Variants in ST8SIA6 observed in about 807,000 individuals in gnomAD.
ST8SIA6 encodes the protein alpha-2,8-sialyltransferase 8F.
A neutral mutation model predicts 33.6 loss-of-function variants in ST8SIA6; 39 were observed. The ratio of observed to expected loss-of-function variants is 1.16; its 90% CI spans 0.90 to 1.52. The LOEUF is 1.52. ST8SIA6 is among the 40% of genes most tolerant of loss of function. ST8SIA6 has a pLI of 0.00. For synonymous variants in ST8SIA6, 172 were observed against 167.2 expected, an observed-to-expected ratio of 1.03 and a Z score of -0.22; for missense variants, 441 against 443.8, an observed-to-expected ratio of 0.99 and a Z score of 0.06.
At chr10:17,388,937 C>T (rs1202199744) in intron 3 of ST8SIA6, among the ~76,000 whole-genome samples, 1 of 152,110 alleles carries the variant, frequency 6.6e-6, no homozygotes, top group African/African-American at 2.4e-5. Flanking sequence ...GAGTCTGAAC[C>T]TCCCCATGTT....
chr10:17,400,787 A>T (rs1402195032), intron 2 of ST8SIA6, among the ~76,000 whole-genome samples: 1 of 152,208 alleles, frequency 6.6e-6, no homozygotes, highest in Non-Finnish European at 1.5e-5. Context: ...TCTCAAAATA[A>T]TAAGAGCTAT....
chr10:17,429,416 C>T (rs1377680632), intron 2 of ST8SIA6, among the ~76,000 whole-genome samples: 7 of 150,978 alleles, frequency 4.6e-5, no homozygotes, highest in South Asian at 2.1e-4. Context: ...TCTGCTTGGC[C>T]GCCTCTTCCT....
chr10:17,355,474 A>AC (rs1274241559), intron 4 of ST8SIA6, among the ~76,000 whole-genome samples: 1 of 152,196 alleles, frequency 6.6e-6, no homozygotes, highest in Non-Finnish European at 1.5e-5. Context: ...ATACAAAGAT[A>AC]AACAAGATAA....
chr10:17,453,523 C>G (rs1428432792), intron 2 of ST8SIA6, 36 bp downstream of exon 2: 12 of 1,274,546 alleles, frequency 9.4e-6, no homozygotes, highest in African/African-American at 9.3e-5. Flanking sequence ...TCGCAGCTCC[C>G]GAGCCCCAGT....
chr10:17,347,792 G>A (rs966426329), intron 4 of ST8SIA6, among the ~76,000 whole-genome samples: 4 of 151,714 alleles, frequency 2.6e-5, no homozygotes, highest in African/African-American at 9.7e-5. Context: ...AAAATTAGCC[G>A]GGCGTGGTGG....
At chr10:17,405,600 T>C (rs535404180) in intron 2 of ST8SIA6, among the ~76,000 whole-genome samples, 1 of 149,388 alleles carries the variant, frequency 6.7e-6, no homozygotes, top group East Asian at 2.0e-4. Context: ...AAGAAAGTTA[T>C]TGGCTGGATG....
chr10:17,384,585 A>G (rs913938448), intron 3 of ST8SIA6, among the ~76,000 whole-genome samples: 1 of 152,174 alleles, frequency 6.6e-6, no homozygotes, highest in Non-Finnish European at 1.5e-5. Context: ...TATTTTCTAC[A>G]GTTTGGACCA....
intron 2 of ST8SIA6, among the ~76,000 whole-genome samples, chr10:17,441,614 A>G (rs1393689336): frequency 6.6e-6 from 1 of 151,824 alleles, no homozygotes; most frequent in Non-Finnish European, 1.5e-5. Flanking sequence ...CGGCCCCTGG[A>G]TCTAAACTTA....
At chr10:17,425,356 A>G (rs989392367) in intron 2 of ST8SIA6, among the ~76,000 whole-genome samples, 1 of 152,014 alleles carries the variant, frequency 6.6e-6, no homozygotes, top group Non-Finnish European at 1.5e-5. Flanking sequence ...ATCACCTGAG[A>G]TCAAGAGTTC....
intron 2 of ST8SIA6, among the ~76,000 whole-genome samples, chr10:17,417,197 T>C (rs1851632320): frequency 6.6e-6 from 1 of 151,982 alleles, no homozygotes. Flanking sequence ...AACCAGATCT[T>C]GTGTGAACTC....
At chr10:17,343,276 G>A (rs2131599353) in intron 4 of ST8SIA6, among the ~76,000 whole-genome samples, 1 of 152,284 alleles carries the variant, frequency 6.6e-6, no homozygotes. Flanking sequence ...CAGCAAGATA[G>A]AGGGAATCTT....
At chr10:17,427,820 T>C (rs919657867) in intron 2 of ST8SIA6, among the ~76,000 whole-genome samples, 26 of 152,252 alleles carry the variant, frequency 1.7e-4, no homozygotes, top group Admixed American at 1.3e-3. Context: ...AGGCGATGCC[T>C]TGCACTTCGT....
chr10:17,373,376 C>T (rs1849794826), intron 3 of ST8SIA6, among the ~76,000 whole-genome samples: 1 of 152,092 alleles, frequency 6.6e-6, no homozygotes, highest in African/African-American at 2.4e-5. Context: ...CATTTGACTC[C>T]CCCTTATAAA....
At chr10:17,351,370 G>A (rs926805217) in intron 4 of ST8SIA6, among the ~76,000 whole-genome samples, 1 of 150,346 alleles carries the variant, frequency 6.7e-6, no homozygotes, top group African/African-American at 2.5e-5. Context: ...TTTGTTAAAT[G>A]GGGTTAAAAA....
At chr10:17,415,803 CTTTTTTTTTT>C (rs968920842) in intron 2 of ST8SIA6, among the ~76,000 whole-genome samples, 30 of 92,208 alleles carry the variant, frequency 3.3e-4, no homozygotes, top group African/African-American at 1.3e-3. Flanking sequence ...CCTCACTTGT[CTTTTTTTTTT>C]TTTTTTTTTT....
intron 4 of ST8SIA6, among the ~76,000 whole-genome samples, chr10:17,344,799 G>A (rs552085936): frequency 2.0e-5 from 3 of 152,306 alleles, no homozygotes; most frequent in South Asian, 2.1e-4. Context: ...CAGGTTAAGG[G>A]GCTGCAGGTT....
At chr10:17,333,710 T>TATAGATATATATATATAG (rs1848399468) in intron 4 of ST8SIA6, among the ~76,000 whole-genome samples, 1 of 35,108 alleles carries the variant, frequency 2.8e-5, no homozygotes, top group African/African-American at 1.1e-4. Flanking sequence ...TATATATATA[T>TATAGATATATATATATAG]ATATATATTT....
intron 5 of ST8SIA6, among the ~76,000 whole-genome samples, chr10:17,329,751 G>T (rs1848238823): frequency 6.6e-6 from 1 of 152,164 alleles, no homozygotes; most frequent in African/African-American, 2.4e-5. Context: ...AGTATCTCAT[G>T]TTCAGTATGA....
chr10:17,323,224 T>TGCGCGCGCAC, intron 6 of ST8SIA6, 67 bp from the exon 7 acceptor site: 1 of 854,012 alleles, frequency 1.2e-6, no homozygotes, highest in East Asian at 2.5e-5. Flanking sequence ...TACACACATA[T>TGCGCGCGCAC]GCGCGCACAC....
Sources: allele counts gnomAD v4.1 joint callset (sites outside exome capture counted in the v4.1 genomes callset), GRCh38; gene constraint gnomAD v4.1.1; transcripts MANE v1.5; gene names NCBI Gene and HGNC (gene_info 2026-07-23, HGNC 2026-07-21).